Variants in DCDC1 observed in about 807,000 individuals in gnomAD.
The protein encoded by DCDC1 is doublecortin domain containing 1.
A neutral mutation model predicts 178.3 loss-of-function variants in DCDC1; 200 were observed. The ratio of observed to expected loss-of-function variants is 1.12; its 90% CI spans 1.00 to 1.26. DCDC1 has a LOEUF of 1.26. Ranked by LOEUF, DCDC1 falls within the 50% of genes most tolerant of loss-of-function variation. The probability of loss-of-function intolerance (pLI) is 0.00; values close to 1 mark genes in which losing one functional copy is unlikely to be tolerated. For synonymous variants in DCDC1, 690 were observed against 604.8 expected (o/e 1.14, Z -2.07); for missense variants, 1,983 against 1,749.2 (o/e 1.13, Z -2.38).
rs968255975 is a variant in DCDC1, at chr11:30,976,032, A to G, written c.2592-23464T>C. ...CAGACAAATGGACCAATGAAGCAGA[A>G]AGGAGAACCTAAAAATAAATCCACA... On this transcript the variant is annotated intron_variant, in intron 20 of 38. Coordinates refer to ENST00000684477, the MANE Select transcript of DCDC1 (RefSeq NM_001387274.1). Among the ~76,000 whole-genome samples the G allele has an allele frequency of 3.1e-4, 47 of 152,128 alleles. 1 individual carries two copies. Among genetic ancestry groups the G allele is most frequent in the Non-Finnish European group, 4.4e-5 (3 of 67,984 alleles).
chr11:31,247,174 G>C (rs1327958537), intron 8 of DCDC1, among the ~76,000 whole-genome samples: 1 of 151,954 alleles, frequency 6.6e-6, no homozygotes, highest in Non-Finnish European at 1.5e-5. Context: ...TAGGACACCT[G>C]GTTATTTTAA....
chr11:31,269,092 TC>T (rs1192008314), intron 7 of DCDC1, among the ~76,000 whole-genome samples: 1 of 152,174 alleles, frequency 6.6e-6, no homozygotes, highest in Non-Finnish European at 1.5e-5. Flanking sequence ...TGTCATTCCT[TC>T]CTACTTGAAG....
At position 31,335,523 on chromosome 11, in the gene DCDC1, T is replaced by G. The variant is rs543545698; in HGVS notation, c.-83A>C. ...GCTGCAGGCTGGAGCTGTTCCTATT[T>G]GGCCATCTTGGAATGGAATCTGGAA... On this transcript the variant is annotated 5_prime_UTR_variant, in exon 2 of 39. Transcript: ENST00000684477. 5 of 152,416 alleles carry G rather than the reference T, an allele frequency of 3.3e-5. No individual in the cohort carries two copies. The highest frequency in any genetic ancestry group is 7.3e-5 in the Non-Finnish European group (5 of 68,084). 9.4% of individuals were successfully genotyped at this position (152,416 alleles called of 1,614,324 possible).
intron 20 of DCDC1, among the ~76,000 whole-genome samples, chr11:30,983,612 T>C (rs1304532557): frequency 6.6e-6 from 1 of 152,222 alleles, no homozygotes; most frequent in Non-Finnish European, 1.5e-5. Flanking sequence ...TTCCATGATA[T>C]CTGAAATCAA....
intron 11 of DCDC1, among the ~76,000 whole-genome samples, chr11:31,119,165 AG>A (rs1302434505): frequency 6.6e-6 from 1 of 152,172 alleles, no homozygotes; most frequent in Non-Finnish European, 1.5e-5. Context: ...AAGGCTTCGT[AG>A]GATCTGTTTC....
rs116065986 is a variant in DCDC1, at chr11:31,205,371, T to C, written c.1221+36079A>G. ...AATTACAGACCCTTGGCCTAAAATA[T>C]GACAAAATGTTGCCTATTAAATAAG... On this transcript the variant is annotated intron_variant, in intron 9 of 38. Transcript: ENST00000684477. 2.6e-5 allele frequency among the ~76,000 whole-genome samples: 4 copies of C among 152,162 alleles called. No individual in the cohort carries two copies. In the East Asian group the frequency reaches 7.7e-4, roughly 29 times the overall value.
rs192557597 is a variant in DCDC1 at position 31,284,733 on chromosome 11, G to C, written c.960+5914C>G. Among the ~76,000 whole-genome samples the C allele has an allele frequency of 5.9e-4, 90 of 151,674 alleles. 1 individual carries two copies. The highest frequency in any genetic ancestry group is 2.0e-3 in the African/African-American group (81 of 41,342). On this transcript the variant is annotated intron_variant, in intron 7 of 38. Coordinates refer to ENST00000684477, the MANE Select transcript of DCDC1 (RefSeq NM_001387274.1). ...GGCTCACTGCAGCCTCTGCCTCTAA[G>C]GTTCAAGCAATTCTCCTGCCTCAGC...
At chr11:31,041,795 C>G (rs1383282461) in intron 20 of DCDC1, among the ~76,000 whole-genome samples, 2 of 152,138 alleles carry the variant, frequency 1.3e-5, no homozygotes, top group Non-Finnish European at 2.9e-5. Context: ...CTCTTCTTGA[C>G]CATTTCATCT....
chr11:30,906,901 T>G (rs1252720780), intron 29 of DCDC1, among the ~76,000 whole-genome samples, 176 bp from the exon 30 acceptor site: 3 of 152,176 alleles, frequency 2.0e-5, no homozygotes, highest in African/African-American at 7.2e-5. Context: ...TTAAAAAATT[T>G]AAAGTATTTC....
At chr11:31,237,576 C>T (rs1006410105) in intron 9 of DCDC1, among the ~76,000 whole-genome samples, 1 of 151,804 alleles carries the variant, frequency 6.6e-6, no homozygotes, top group Admixed American at 6.6e-5. Context: ...TAAACCTCAA[C>T]AAACTTTATT....
At chr11:31,298,956 A>T (rs762291731) in intron 6 of DCDC1, among the ~76,000 whole-genome samples, 6 of 152,264 alleles carry the variant, frequency 3.9e-5, no homozygotes, top group Non-Finnish European at 5.9e-5. Flanking sequence ...GTAGGTATAG[A>T]TAATGACATT....
At chr11:31,064,695 C>T (rs1028921337) in intron 19 of DCDC1, 69 bp from the exon 20 acceptor site, 1 of 735,674 alleles carries the variant, frequency 1.4e-6, no homozygotes. Flanking sequence ...CTATACATGC[C>T]AAAAATATAA....
intron 7 of DCDC1, among the ~76,000 whole-genome samples, chr11:31,268,065 A>G (rs764300205): frequency 1.3e-5 from 2 of 152,184 alleles, no homozygotes; most frequent in Non-Finnish European, 2.9e-5. Context: ...GCAAGACATA[A>G]TCTCCTCTTT....
At chr11:31,151,965 A>G (rs964862123) in intron 9 of DCDC1, among the ~76,000 whole-genome samples, 11 of 152,232 alleles carry the variant, frequency 7.2e-5, no homozygotes, top group Admixed American at 7.2e-4. Context: ...TTCTCACCAC[A>G]AAACAGTGAT....
chr11:31,055,867 G>C (rs528962301), intron 20 of DCDC1, among the ~76,000 whole-genome samples: 1 of 152,230 alleles, frequency 6.6e-6, no homozygotes, highest in African/African-American at 2.4e-5. Context: ...TGGGAGTGGG[G>C]TGAGGGACAA....
chr11:31,303,042 G>A (rs536032555), intron 6 of DCDC1, among the ~76,000 whole-genome samples: 77 of 152,136 alleles, frequency 5.1e-4, no homozygotes, highest in African/African-American at 1.4e-3. Flanking sequence ...TTCCTTAAAG[G>A]CCAGGACTTC....
intron 9 of DCDC1, among the ~76,000 whole-genome samples, chr11:31,161,121 T>C (rs887221520): frequency 6.6e-6 from 1 of 152,166 alleles, no homozygotes; most frequent in African/African-American, 2.4e-5. Context: ...CCTGTGAAGC[T>C]GTAAGTTGGC....
chr11:31,321,451 G>T (rs927148053), intron 3 of DCDC1, among the ~76,000 whole-genome samples: 1 of 151,660 alleles, frequency 6.6e-6, no homozygotes, highest in Non-Finnish European at 1.5e-5. Context: ...CTTTGACTTG[G>T]AAAGGGAACT....
Position 31,043,302 on chromosome 11 carries a change from T to C in DCDC1, c.2591+21167A>G, listed in dbSNP as rs1954603523. Among the ~76,000 whole-genome samples the C allele has an allele frequency of 5.9e-5, 9 of 152,226 alleles. 1 individual carries two copies. In the South Asian group the frequency reaches 1.9e-3, roughly 31 times the overall value. On this transcript the variant is annotated intron_variant, in intron 20 of 38. Coordinates refer to ENST00000684477, the MANE Select transcript of DCDC1 (RefSeq NM_001387274.1). ...GACCAGTAATTCATGAGACTTTTGC[T>C]GGTACATACTTCTGGTAGGTTCGTA...
Sources: gnomAD v4.1 joint callset for allele counts (sites outside exome capture counted in the v4.1 genomes callset) on GRCh38, gnomAD v4.1.1 for gene constraint, MANE v1.5 for transcripts, NCBI Gene and HGNC (gene_info 2026-07-23, HGNC 2026-07-21) for gene names.